Variants in CLCA1 observed in about 807,000 individuals in gnomAD.
CLCA1 encodes calcium-activated chloride channel regulator 1.
In CLCA1, 59 loss-of-function variants were observed where a neutral mutation model predicts 85.6. The observed-to-expected ratio is 0.69, with a 90% CI of 0.56 to 0.86. The LOEUF (loss-of-function observed/expected upper bound fraction) is 0.86. Ranked by LOEUF, CLCA1 falls within the 40% of genes least tolerant of loss-of-function variation. The pLI, the probability that CLCA1 is intolerant of heterozygous loss-of-function variation, is 0.00. For missense variants in CLCA1, 1,022 were observed against 1,101.4 expected, an observed-to-expected ratio of 0.93 and a Z score of 1.02; for synonymous variants, 396 against 398.3, an observed-to-expected ratio of 0.99 and a Z score of 0.07.
chr1:86,496,823 G>A (rs1056157488), intron 12 of CLCA1, among the ~76,000 whole-genome samples: 2 of 152,092 alleles, frequency 1.3e-5, no homozygotes, highest in East Asian at 3.8e-4. Context: ...TCCACCTCCC[G>A]GGTCCAAGTG....
At chr1:86,499,586 G>T (rs976355818) in intron 13 of CLCA1, 68 bp from the exon 14 acceptor site, 1 of 1,013,424 alleles carries the variant, frequency 9.9e-7, no homozygotes. Flanking sequence ...ATTTTTTAAA[G>T]CTCTACTGCT....
chr1:86,479,868 G>C (rs1304966859), intron 4 of CLCA1, among the ~76,000 whole-genome samples: 1 of 152,136 alleles, frequency 6.6e-6, no homozygotes, highest in African/African-American at 2.4e-5. Context: ...CTGGGCAACA[G>C]AGTGAGACTC....
intron 7 of CLCA1, among the ~76,000 whole-genome samples, chr1:86,488,367 T>C (rs1046357027): frequency 6.6e-6 from 1 of 152,132 alleles, no homozygotes; most frequent in Non-Finnish European, 1.5e-5. Context: ...GTCTATACCA[T>C]ATAAAAAAAT....
intron 1 of CLCA1, among the ~76,000 whole-genome samples, chr1:86,470,730 C>T (rs1272981046): frequency 2.0e-5 from 3 of 152,144 alleles, no homozygotes; most frequent in Admixed American, 6.5e-5. Flanking sequence ...CTCAAAGTCC[C>T]TAACTCCTTC....
chr1:86,469,928 G>A (rs1177618915), intron 1 of CLCA1, among the ~76,000 whole-genome samples: 2 of 152,170 alleles, frequency 1.3e-5, no homozygotes, highest in Non-Finnish European at 2.9e-5. Flanking sequence ...TAAAATGCAT[G>A]CATATAAAGG....
intron 1 of CLCA1, among the ~76,000 whole-genome samples, chr1:86,472,364 C>T (rs1647527527): frequency 6.6e-6 from 1 of 152,178 alleles, no homozygotes; most frequent in Admixed American, 6.5e-5. Context: ...TCTCTCATCC[C>T]ACAGCTCCTC....
chr1:86,470,594 G>A (rs1030034211), intron 1 of CLCA1, among the ~76,000 whole-genome samples: 2 of 152,168 alleles, frequency 1.3e-5, no homozygotes, highest in African/African-American at 4.8e-5. Context: ...TTTTCCTCCC[G>A]AGATACGTAC....
intron 7 of CLCA1, among the ~76,000 whole-genome samples, chr1:86,486,995 C>A (rs1254782912): frequency 2.6e-5 from 4 of 152,128 alleles, no homozygotes; most frequent in Admixed American, 2.6e-4. Context: ...CCTAAGCCTG[C>A]TATTTGGGCA....
At chr1:86,495,776 G>T in intron 12 of CLCA1, 101 bp downstream of exon 12, 6 of 1,134,164 alleles carry the variant, frequency 5.3e-6, no homozygotes, top group Non-Finnish European at 7.3e-6. Flanking sequence ...TTAAATCAGG[G>T]TTTCTCAACC....
chr1:86,499,661 G>A lies in CLCA1; in HGVS notation c.2361G>A (p.Lys787=), dbSNP rs759958676. The A allele has an allele frequency of 2.5e-6, 4 of 1,575,762 alleles. No individual in the cohort carries two copies. The highest frequency in any genetic ancestry group is 3.5e-6 in the Non-Finnish European group (4 of 1,151,866). ...CTTCTTTTTTCTTTTTAGCTCACAA[G>A]TATATCATTCGAATAAGTACAAGTA... ...GDDYDHGTAH[K]YIIRISTSIL... is the part of the protein sequence containing the mutation. Residue 787 remains lysine (K), a synonymous_variant, in exon 14 of 14, where the codon AAG becomes AAA. Transcript: ENST00000394711.
At chr1:86,489,449 A>G (rs1429495560) in intron 8 of CLCA1, among the ~76,000 whole-genome samples, 1 of 152,232 alleles carries the variant, frequency 6.6e-6, no homozygotes, top group Non-Finnish European at 1.5e-5. Flanking sequence ...ACTCCTTTCC[A>G]GTGGCAGCTG....
In CLCA1 at chr1:86,482,219, T is replaced by C. The variant is rs1405534953; in HGVS notation, c.572T>C (p.Ile191Thr). 1.2e-6 allele frequency: 2 copies of C among 1,613,464 alleles called. No homozygotes were observed. The highest frequency in any genetic ancestry group is 1.7e-6 in the Non-Finnish European group (2 of 1,179,588). Reference protein sequence around the residue: ...RIQAVRCSAGITGTNVVKKCQ... With the variant: ...RIQAVRCSAGTTGTNVVKKCQ... ...TATATTTTCAGATGTTCAGCAGGTATTACTGGTACAAATGTAGTAAAGAAG... is the reference window on the plus strand; with the variant it reads ...TATATTTTCAGATGTTCAGCAGGTACTACTGGTACAAATGTAGTAAAGAAG... Residue 191 changes from isoleucine to threonine, a missense_variant, in exon 5 of 14, where the codon ATT becomes ACT. Coordinates refer to ENST00000394711, the MANE Select transcript of CLCA1 (RefSeq NM_001285.4).
chr1:86,491,970 G>T (rs201652070), intron 9 of CLCA1, among the ~76,000 whole-genome samples: 2 of 152,052 alleles, frequency 1.3e-5, no homozygotes, highest in Non-Finnish European at 2.9e-5. Flanking sequence ...GGCCCATCTG[G>T]TCTAAAATTT....
rs1647935320 is a variant in CLCA1, at chr1:86,485,422, C to T, written c.815C>T (p.Thr272Ile). Reference protein sequence around the residue: ...KQNQKCNLRSTWEVIRDSEDF... With the variant: ...KQNQKCNLRSIWEVIRDSEDF... ...AATCAAAAATGCAATCTCCGAAGCA[C>T]ATGGGAAGTGATCCGTGATTCTGAG... The change falls in exon 6 of 14, where the codon ACA becomes ATA. Residue 272 changes from threonine (T) to isoleucine (I), a missense_variant. Thr to Ile is a moderately conservative substitution (Grantham distance 89, BLOSUM62 -1). Coordinates refer to ENST00000394711, the MANE Select transcript of CLCA1 (RefSeq NM_001285.4). 4 of 1,614,168 alleles carry T rather than the reference C, an allele frequency of 2.5e-6. No homozygotes were observed. The East Asian group carries it at 8.9e-5, about 36-fold the overall frequency.
intron 5 of CLCA1, among the ~76,000 whole-genome samples, chr1:86,483,071 G>T (rs1224234714): frequency 6.6e-6 from 1 of 152,102 alleles, no homozygotes; most frequent in African/African-American, 2.4e-5. Flanking sequence ...GGAATAGAGG[G>T]TGCAATAAAT....
intron 12 of CLCA1, 86 bp from the exon 13 acceptor site, chr1:86,498,486 A>G: frequency 1.5e-6 from 2 of 1,353,772 alleles, no homozygotes; most frequent in Non-Finnish European, 2.1e-6. Flanking sequence ...GGGGAACAGG[A>G]AGAGGGTGAT....
chr1:86,489,865 C>T (rs1160018732), intron 8 of CLCA1, among the ~76,000 whole-genome samples: 1 of 152,140 alleles, frequency 6.6e-6, no homozygotes, highest in Non-Finnish European at 1.5e-5. Context: ...CACTAAAATG[C>T]CAGAGCTGTT....
At position 86,490,899 on chromosome 1, in the gene CLCA1, T is replaced by TAAAAAAAAA. The variant is rs59948810; in HGVS notation, c.1358-351_1358-343dup. Among the ~76,000 whole-genome samples the TAAAAAAAAA allele has an allele frequency of 2.4e-3, 214 of 89,198 alleles. 1 individual carries two copies. Among genetic ancestry groups the TAAAAAAAAA allele is most frequent in the East Asian group, 7.2e-3 (24 of 3,342 alleles). 58.5% of individuals were successfully genotyped at this position (89,198 alleles called of 152,430 possible). On this transcript the variant is annotated intron_variant, in intron 8 of 13. Transcript: ENST00000394711. ...TGAGTAACATGGCAAAACCCATCTC[T>TAAAAAAAAA]AAAAAAAAAAAAAAAAAAAAAAATA...
At chr1:86,474,260 C>T (rs566646246) in intron 3 of CLCA1, among the ~76,000 whole-genome samples, 9 of 152,312 alleles carry the variant, frequency 5.9e-5, no homozygotes, top group Admixed American at 2.6e-4. Context: ...GCAGTGCTCT[C>T]AGACGTGCAT....
Sources: allele counts gnomAD v4.1 joint callset (sites outside exome capture counted in the v4.1 genomes callset), GRCh38; gene constraint gnomAD v4.1.1; transcripts MANE v1.5; gene names NCBI Gene and HGNC (gene_info 2026-07-23, HGNC 2026-07-21).